The following NME7 variants were observed in gnomAD, a reference collection of about 807,000 sequenced individuals.
The protein encoded by NME7 is NME/NM23 family member 7.
A neutral mutation model predicts 49.1 loss-of-function variants in NME7; 41 were observed. The observed-to-expected ratio is 0.83, with a 90% confidence interval of 0.65 to 1.08. The LOEUF (loss-of-function observed/expected upper bound fraction) is 1.08, where lower values mean the gene tolerates loss of function less well. Ranked by LOEUF, NME7 falls within the 50% of genes least tolerant of loss-of-function variation. The pLI is 0.00. For missense variants in NME7, 423 were observed against 463.4 expected (o/e 0.91, Z 0.80); for synonymous variants, 139 against 150.6 (o/e 0.92, Z 0.56).
chr1:169,246,102 C>T (rs1476646037), intron 7 of NME7, among the ~76,000 whole-genome samples: 1 of 152,000 alleles, frequency 6.6e-6, no homozygotes, highest in Non-Finnish European at 1.5e-5. Context: ...GGATTCCAGA[C>T]CATCCTGGGC....
At chr1:169,240,251 A>G (rs1160212057) in intron 7 of NME7, among the ~76,000 whole-genome samples, 1 of 151,930 alleles carries the variant, frequency 6.6e-6, no homozygotes, top group East Asian at 1.9e-4. Context: ...TAAAAATGTG[A>G]TCTAAGCCAA....
chr1:169,254,557 A>G (rs1648823998), intron 7 of NME7, among the ~76,000 whole-genome samples: 2 of 150,736 alleles, frequency 1.3e-5, no homozygotes, highest in Admixed American at 6.6e-5. Flanking sequence ...TTGTATCTCT[A>G]TTTCCTTCAG....
chr1:169,222,296 G>A (rs1469796587), intron 10 of NME7, among the ~76,000 whole-genome samples: 1 of 152,072 alleles, frequency 6.6e-6, no homozygotes, highest in Non-Finnish European at 1.5e-5. Flanking sequence ...TTTCTCATTT[G>A]TTTTGTTCAC....
At chr1:169,294,594 C>T (rs1650634190) in intron 6 of NME7, among the ~76,000 whole-genome samples, 1 of 152,116 alleles carries the variant, frequency 6.6e-6, no homozygotes, top group Admixed American at 6.6e-5. Flanking sequence ...TTTGCTTCTT[C>T]ACATAAGCTC....
chr1:169,226,674 T>C (rs1647354850), intron 10 of NME7, among the ~76,000 whole-genome samples: 2 of 152,304 alleles, frequency 1.3e-5, no homozygotes, highest in South Asian at 2.1e-4. Context: ...CAAAAGTTCA[T>C]TAACTTTCAG....
chr1:169,135,452 T>C (rs918239325), intron 11 of NME7, among the ~76,000 whole-genome samples: 1 of 152,220 alleles, frequency 6.6e-6, no homozygotes, highest in Non-Finnish European at 1.5e-5. Flanking sequence ...TAACATTACC[T>C]TGAAAATCTA....
intron 7 of NME7, chr1:169,247,103 C>G: frequency 2.2e-6 from 1 of 456,040 alleles, no homozygotes; most frequent in Non-Finnish European, 4.4e-6. Flanking sequence ...AAGCTAAGAA[C>G]AGCTATACCT....
chr1:169,272,985 C>A lies in NME7; in HGVS notation c.754+14318G>T, dbSNP rs899672094. ...TGTTTCTTGACTTTTCAATGATCACCATTCGAACTGGCGTGAGATGGTATC... is the reference window on the plus strand; with the variant it reads ...TGTTTCTTGACTTTTCAATGATCACAATTCGAACTGGCGTGAGATGGTATC... On this transcript the variant is annotated intron_variant, in intron 7 of 11. Coordinates refer to ENST00000367811, the MANE Select transcript of NME7 (RefSeq NM_013330.5). Among the ~76,000 whole-genome samples the A allele has an allele frequency of 3.7e-5, 5 of 133,624 alleles. 1 individual carries two copies. Among genetic ancestry groups the A allele is most frequent in the Admixed American group, 3.7e-4 (5 of 13,564 alleles). The allele number at this position is 133,624 out of a possible 152,430, so 87.7% of individuals were successfully genotyped here.
rs1649388350 is a variant in NME7, at chr1:169,268,494, A to C, written c.754+18809T>G. On this transcript the variant is annotated intron_variant, in intron 7 of 11. Coordinates refer to ENST00000367811, the MANE Select transcript of NME7 (RefSeq NM_013330.5). Reference sequence around the variant, plus strand: ...ACCATAAACACGCATGCAAATGTTCACTGAAGCACTATTCACAATAGTAAA... The same window carrying C: ...ACCATAAACACGCATGCAAATGTTCCCTGAAGCACTATTCACAATAGTAAA... Among the ~76,000 whole-genome samples the C allele has an allele frequency of 6.7e-5, 9 of 133,630 alleles. 2 individuals are homozygous for C. Among genetic ancestry groups the C allele is most frequent in the Admixed American group, 5.2e-4 (7 of 13,586 alleles). The allele number at this position is 133,630 out of a possible 152,430, so 87.7% of individuals were successfully genotyped here. A position where few individuals can be genotyped will look rare whatever the true frequency, so the allele number is the denominator to read the frequency against.
chr1:169,229,473 T>C (rs1291225897), intron 10 of NME7, among the ~76,000 whole-genome samples: 1 of 152,234 alleles, frequency 6.6e-6, no homozygotes, highest in Admixed American at 6.5e-5. Flanking sequence ...AATCCAACAT[T>C]TGGATTTTAC....
rs1225721451 is a variant in NME7, at chr1:169,261,694, T to C, written c.755-24007A>G. Among the ~76,000 whole-genome samples the C allele has an allele frequency of 1.5e-5, 2 of 134,054 alleles. 1 individual carries two copies. The highest frequency in any genetic ancestry group is 4.0e-4 in the East Asian group (2 of 5,020). The allele number at this position is 134,054 out of a possible 152,430, so 87.9% of individuals were successfully genotyped here. A position where few individuals can be genotyped will look rare whatever the true frequency, so the allele number is the denominator to read the frequency against. On this transcript the variant is annotated intron_variant, in intron 7 of 11. Transcript: ENST00000367811. ...GCAGATTACTAAAGGAAATGCAAGA[T>C]GGTCCCTGCCCAGAATTTCTCATAA...
At chr1:169,309,886 T>C in intron 4 of NME7, 84 bp downstream of exon 4, 2 of 861,068 alleles carry the variant, frequency 2.3e-6, no homozygotes, top group Non-Finnish European at 3.6e-6. Context: ...GGTTTTTTAA[T>C]TTTAAACAAT....
At chr1:169,174,574 G>A (rs997322989) in intron 10 of NME7, among the ~76,000 whole-genome samples, 16 of 152,100 alleles carry the variant, frequency 1.1e-4, no homozygotes, top group African/African-American at 2.4e-4. Flanking sequence ...ATCATAGAGT[G>A]TACTTACACA....
At chr1:169,275,433 C>T (rs1279402182) in intron 7 of NME7, among the ~76,000 whole-genome samples, 1 of 110,384 alleles carries the variant, frequency 9.1e-6, no homozygotes, top group Admixed American at 9.8e-5. Flanking sequence ...GAGTCGAGAT[C>T]GCGCCACTGC....
At chr1:169,233,828 A>G (rs1051177483) in intron 9 of NME7, among the ~76,000 whole-genome samples, 1 of 152,196 alleles carries the variant, frequency 6.6e-6, no homozygotes, top group Admixed American at 6.5e-5. Context: ...AAGGAGCAGA[A>G]GGCATGAACA....
intron 8 of NME7, among the ~76,000 whole-genome samples, chr1:169,235,949 T>TA (rs34255929): frequency 0.25 from 37,113 of 150,902 alleles, 5,503 homozygotes; most frequent in Non-Finnish European, 0.34. Context: ...TTATTTTTTT[T>TA]AAAAAGTAGC....
chr1:169,350,684 A>G (rs1184746727), intron 1 of NME7, among the ~76,000 whole-genome samples: 1 of 152,144 alleles, frequency 6.6e-6, no homozygotes, highest in African/African-American at 2.4e-5. Context: ...GGAAAAAAAG[A>G]AAAATAAGGC....
intron 10 of NME7, among the ~76,000 whole-genome samples, chr1:169,214,124 A>C (rs1660909429): frequency 6.6e-6 from 1 of 152,238 alleles, no homozygotes; most frequent in Non-Finnish European, 1.5e-5. Context: ...TTTAGGGGAC[A>C]AACCAAGTAT....
chr1:169,219,658 T>C (rs1432105567), intron 10 of NME7, among the ~76,000 whole-genome samples: 1 of 152,164 alleles, frequency 6.6e-6, no homozygotes, highest in Non-Finnish European at 1.5e-5. Context: ...CCTCAGCATC[T>C]AAAGTAGCTG....
Sources: allele counts gnomAD v4.1 joint callset (sites outside exome capture counted in the v4.1 genomes callset), GRCh38; gene constraint gnomAD v4.1.1; transcripts MANE v1.5; gene names NCBI Gene and HGNC (gene_info 2026-07-23, HGNC 2026-07-21).